Variants in MEI4 observed in about 807,000 individuals in gnomAD.
MEI4 encodes meiotic double-stranded break formation protein 4, also known as meiosis-specific protein MEI4.
MEI4 carries 27 observed loss-of-function variants against 31.4 expected under a neutral mutation model. The ratio of observed to expected loss-of-function variants is 0.86; its 90% confidence interval spans 0.63 to 1.19. MEI4 has a LOEUF of 1.19. Ranked by LOEUF, MEI4 falls within the 50% of genes most tolerant of loss-of-function variation. MEI4 has a pLI of 0.00. For synonymous variants in MEI4, 122 were observed against 145.4 expected, an observed-to-expected ratio of 0.84 and a Z score of 1.16; for missense variants, 329 against 398.9, an observed-to-expected ratio of 0.82 and a Z score of 1.49.
intron 2 of MEI4, 149 bp downstream of exon 2, chr6:77,691,052 G>GGT: frequency 2.4e-6 from 1 of 412,740 alleles, no homozygotes; most frequent in Non-Finnish European, 4.2e-6. Context: ...TTTTACTTCT[G>GGT]GTCATTCATT....
At chr6:77,733,274 G>T (rs1281710349) in intron 2 of MEI4, among the ~76,000 whole-genome samples, 4 of 151,956 alleles carry the variant, frequency 2.6e-5, no homozygotes, top group Non-Finnish European at 4.4e-5. Flanking sequence ...TTTTTGGTTG[G>T]TAAGCTATTG....
At chr6:77,828,051 T>C (rs913696060) in intron 3 of MEI4, among the ~76,000 whole-genome samples, 2 of 152,162 alleles carry the variant, frequency 1.3e-5, no homozygotes, top group Non-Finnish European at 1.5e-5. Context: ...GTGAATGCTT[T>C]TGTGTTGTCA....
chr6:77,680,010 A>G lies in MEI4; in HGVS notation c.-14-10648A>G, dbSNP rs192148143. Among the ~76,000 whole-genome samples, 1,290 of 150,960 alleles carry G rather than the reference A, an allele frequency of 8.5e-3. 10 individuals carry two copies. The highest frequency in any genetic ancestry group is 0.014 in the Non-Finnish European group (957 of 67,756). On this transcript the variant is annotated intron_variant, in intron 1 of 4. Transcript: ENST00000684080. The stretch of plus-strand genomic sequence containing the variant: ...CACCTTGGCCTCCCAAAGTGCTGGG[A>G]TTGCAGGCGTGAGCGACCGTGTCCA...
At chr6:77,817,879 A>G (rs1246100161) in intron 3 of MEI4, among the ~76,000 whole-genome samples, 1 of 152,084 alleles carries the variant, frequency 6.6e-6, no homozygotes, top group Non-Finnish European at 1.5e-5. Flanking sequence ...TTTTACATCC[A>G]ACATCTCCCA....
intron 3 of MEI4, among the ~76,000 whole-genome samples, chr6:77,809,054 T>C (rs1194282232): frequency 6.6e-6 from 1 of 152,216 alleles, no homozygotes; most frequent in Admixed American, 6.5e-5. Context: ...AAGTGCTTCC[T>C]TGAAATGTGA....
chr6:77,712,473 C>A (rs1348059183), intron 2 of MEI4, among the ~76,000 whole-genome samples: 1 of 152,016 alleles, frequency 6.6e-6, no homozygotes. Flanking sequence ...TACTAGAACA[C>A]GTCTTGGAAA....
chr6:77,679,468 A>AGTAGGCTATACTGT (rs1768910762), intron 1 of MEI4, among the ~76,000 whole-genome samples: 1 of 150,826 alleles, frequency 6.6e-6, no homozygotes, highest in Admixed American at 6.6e-5. Flanking sequence ...GCCTAGGAGC[A>AGTAGGCTATACTGT]ATAGATGTAG....
chr6:77,872,687 G>A (rs554848523), intron 4 of MEI4, among the ~76,000 whole-genome samples: 130 of 146,194 alleles, frequency 8.9e-4, no homozygotes, highest in African/African-American at 2.6e-3. Context: ...CCATTAACTC[G>A]TCATTTAGCA....
intron 2 of MEI4, among the ~76,000 whole-genome samples, chr6:77,743,360 G>A (rs1767475413): frequency 6.6e-6 from 1 of 151,944 alleles, no homozygotes; most frequent in African/African-American, 2.4e-5. Context: ...TGGATTCCTG[G>A]GTATTTTACT....
chr6:77,760,168 T>C (rs1435528981), intron 2 of MEI4, among the ~76,000 whole-genome samples: 1 of 152,106 alleles, frequency 6.6e-6, no homozygotes, highest in Non-Finnish European at 1.5e-5. Flanking sequence ...TTCATGGATC[T>C]ATACCACATA....
intron 4 of MEI4, among the ~76,000 whole-genome samples, chr6:77,845,135 T>G (rs33988791): frequency 0.069 from 10,550 of 152,184 alleles, 547 homozygotes; most frequent in Non-Finnish European, 0.11. Context: ...CTTTAAAATT[T>G]CACATTGTAC....
intron 4 of MEI4, among the ~76,000 whole-genome samples, chr6:77,917,220 G>A (rs981576516): frequency 1.4e-4 from 21 of 151,904 alleles, no homozygotes; most frequent in East Asian, 9.7e-4. Context: ...GAATAATGCC[G>A]CAATATACAT....
At chr6:77,805,415 A>G (rs938402798) in intron 3 of MEI4, among the ~76,000 whole-genome samples, 1 of 152,164 alleles carries the variant, frequency 6.6e-6, no homozygotes, top group Non-Finnish European at 1.5e-5. Context: ...ATTATACCAT[A>G]TAAAATGTAT....
intron 2 of MEI4, among the ~76,000 whole-genome samples, chr6:77,711,772 A>G (rs1257412747): frequency 1.3e-5 from 2 of 152,102 alleles, no homozygotes; most frequent in East Asian, 3.9e-4. Context: ...TGTTTCTTCT[A>G]CTCTCAGAAC....
chr6:77,825,215 A>C (rs1398574), intron 3 of MEI4, among the ~76,000 whole-genome samples: 83,572 of 151,970 alleles, frequency 0.55, 25,171 homozygotes, highest in African/African-American at 0.79. Flanking sequence ...CTTTTGACCT[A>C]ACAAAATATT....
chr6:77,921,467 G>T (rs1045864868), intron 4 of MEI4, among the ~76,000 whole-genome samples: 3 of 151,750 alleles, frequency 2.0e-5, no homozygotes, highest in Non-Finnish European at 2.9e-5. Context: ...TACCAGTCGG[G>T]CTGTTTCCCC....
At chr6:77,917,089 A>T (rs1766576706) in intron 4 of MEI4, among the ~76,000 whole-genome samples, 1 of 151,814 alleles carries the variant, frequency 6.6e-6, no homozygotes, top group African/African-American at 2.4e-5. Context: ...GTCCCTACAA[A>T]GGACATGAAC....
intron 4 of MEI4, among the ~76,000 whole-genome samples, chr6:77,919,488 C>T (rs556207089): frequency 4.6e-5 from 7 of 152,094 alleles, no homozygotes; most frequent in Admixed American, 2.6e-4. Flanking sequence ...CTTTGGGATG[C>T]ATTCAAAGCA....
intron 1 of MEI4, among the ~76,000 whole-genome samples, chr6:77,680,219 C>T (rs1768931001): frequency 6.6e-6 from 1 of 150,748 alleles, no homozygotes; most frequent in Admixed American, 6.6e-5. Context: ...GCGGAGCTTG[C>T]AGTGAGCCGA....
Sources: allele counts gnomAD v4.1 joint callset (sites outside exome capture counted in the v4.1 genomes callset), GRCh38; gene constraint gnomAD v4.1.1; transcripts MANE v1.5; gene names NCBI Gene and HGNC (gene_info 2026-07-23, HGNC 2026-07-21).